The following RALGPS2 variants were observed in gnomAD, a reference collection of about 807,000 sequenced individuals.
RALGPS2 encodes Ral GEF with PH domain and SH3 binding motif 2.
Under a neutral mutation model 86.8 loss-of-function variants are expected in RALGPS2, and 43 were observed. The ratio of observed to expected loss-of-function variants is 0.50; its 90% CI spans 0.39 to 0.64. The LOEUF (loss-of-function observed/expected upper bound fraction) is 0.64. RALGPS2 is among the 30% of genes least tolerant of loss of function. The probability of loss-of-function intolerance (pLI) is 0.00; values close to 1 mark genes in which losing one functional copy is unlikely to be tolerated. For missense variants in RALGPS2, 536 were observed against 694.6 expected, an observed-to-expected ratio of 0.77 and a Z score of 2.57; for synonymous variants, 243 against 231.3, an observed-to-expected ratio of 1.05 and a Z score of -0.46.
chr1:178,813,177 C>T (rs752057442), intron 6 of RALGPS2, among the ~76,000 whole-genome samples: 1 of 152,094 alleles, frequency 6.6e-6, no homozygotes, highest in Non-Finnish European at 1.5e-5. Context: ...CAAGTGATCT[C>T]CCACCTCGGC....
chr1:178,862,589 TTTTTTTTATTTA>T (rs138015433), intron 8 of RALGPS2, among the ~76,000 whole-genome samples: 3,012 of 129,472 alleles, frequency 0.023, 109 homozygotes, highest in African/African-American at 0.088. Flanking sequence ...AGGAGTTGCA[TTTTTTTTATTTA>T]TTTATTTATT....
intron 5 of RALGPS2, among the ~76,000 whole-genome samples, chr1:178,808,470 CT>C (rs1376521920): frequency 2.0e-5 from 3 of 152,038 alleles, no homozygotes; most frequent in Non-Finnish European, 4.4e-5. Context: ...CAGTCATGCT[CT>C]TTTCTTATTT....
intron 8 of RALGPS2, among the ~76,000 whole-genome samples, chr1:178,841,155 C>G (rs1656584874): frequency 6.6e-6 from 1 of 152,036 alleles, no homozygotes; most frequent in African/African-American, 2.4e-5. Context: ...TTTTATGAGG[C>G]CAGCATCATC....
intron 8 of RALGPS2, among the ~76,000 whole-genome samples, chr1:178,839,446 A>C (rs1168888061): frequency 6.6e-6 from 1 of 152,172 alleles, no homozygotes; most frequent in Admixed American, 6.5e-5. Flanking sequence ...AAAATCCTTT[A>C]CAGACAAGCA....
At chr1:178,776,360 G>A (rs1378511067) in intron 1 of RALGPS2, among the ~76,000 whole-genome samples, 1 of 152,056 alleles carries the variant, frequency 6.6e-6, no homozygotes, top group African/African-American at 2.4e-5. Context: ...TGCCACCTGT[G>A]TTTTTACACA....
intron 11 of RALGPS2, 53 bp from the exon 12 acceptor site, chr1:178,885,023 G>A: frequency 6.7e-7 from 1 of 1,481,686 alleles, no homozygotes; most frequent in Non-Finnish European, 9.0e-7. Context: ...TTTCTTTCAA[G>A]GGACTGAAAA....
chr1:178,858,589 C>T (rs970681944), intron 8 of RALGPS2, among the ~76,000 whole-genome samples: 1 of 152,104 alleles, frequency 6.6e-6, no homozygotes, highest in East Asian at 1.9e-4. Context: ...GAATTCTGTA[C>T]ATTGAATTTG....
chr1:178,788,719 C>T (rs1653788323), intron 4 of RALGPS2, among the ~76,000 whole-genome samples: 1 of 152,066 alleles, frequency 6.6e-6, no homozygotes, highest in Non-Finnish European at 1.5e-5. Context: ...AGATGGGAAG[C>T]CATTAGAGGG....
At chr1:178,776,912 G>A in intron 2 of RALGPS2, 91 bp downstream of exon 2, 2 of 914,900 alleles carry the variant, frequency 2.2e-6, no homozygotes, top group Middle Eastern at 2.3e-4. Flanking sequence ...TAAATCAGAA[G>A]TGCATTTAGT....
At chr1:178,743,061 T>G (rs1451584914) in intron 1 of RALGPS2, among the ~76,000 whole-genome samples, 1 of 152,066 alleles carries the variant, frequency 6.6e-6, no homozygotes. Flanking sequence ...ACAAACATTT[T>G]TTTAAAAAAA....
chr1:178,808,019 AT>A (rs775925187), intron 4 of RALGPS2, 25 bp from the exon 5 acceptor site: 37 of 1,486,150 alleles, frequency 2.5e-5, no homozygotes, highest in Non-Finnish European at 3.2e-5. Flanking sequence ...TATTACTTAA[AT>A]TTAATTTTCA....
At chr1:178,792,725 C>T (rs1463282308) in intron 4 of RALGPS2, among the ~76,000 whole-genome samples, 1 of 152,136 alleles carries the variant, frequency 6.6e-6, no homozygotes, top group Non-Finnish European at 1.5e-5. Flanking sequence ...GGATAGTGAT[C>T]CCTTTCACAC....
chr1:178,742,860 G>A (rs1018049407), intron 1 of RALGPS2, among the ~76,000 whole-genome samples: 2 of 152,162 alleles, frequency 1.3e-5, no homozygotes, highest in African/African-American at 4.8e-5. Flanking sequence ...TATGGTTCAA[G>A]GAAGAGATCA....
chr1:178,884,143 G>A (rs148707089), intron 11 of RALGPS2, among the ~76,000 whole-genome samples: 1 of 152,228 alleles, frequency 6.6e-6, no homozygotes, highest in Non-Finnish European at 1.5e-5. Flanking sequence ...AGGCAATGAA[G>A]GTTGATTACA....
intron 7 of RALGPS2, among the ~76,000 whole-genome samples, chr1:178,827,908 C>T (rs575991962): frequency 7.9e-5 from 12 of 152,152 alleles, no homozygotes; most frequent in East Asian, 7.7e-4. Context: ...ACTGGATGTC[C>T]GCATGCAAAA....
chr1:178,858,095 A>G (rs1172874548), intron 8 of RALGPS2, among the ~76,000 whole-genome samples: 1 of 152,164 alleles, frequency 6.6e-6, no homozygotes, highest in Non-Finnish European at 1.5e-5. Flanking sequence ...CTTTTCCAGA[A>G]CATATGGATA....
At chr1:178,852,857 C>G in intron 8 of RALGPS2, 1 of 1,613,902 alleles carries the variant, frequency 6.2e-7, no homozygotes, top group Non-Finnish European at 8.5e-7. Flanking sequence ...CTCCAGTCTT[C>G]TAATTCAATC....
intron 8 of RALGPS2, among the ~76,000 whole-genome samples, chr1:178,847,475 G>A (rs563804115): frequency 1.3e-5 from 2 of 151,906 alleles, no homozygotes; most frequent in South Asian, 4.1e-4. Flanking sequence ...TGAAAAGTGA[G>A]CTAGTTTAAG....
chr1:178,762,261 G>A (rs1652280580), intron 1 of RALGPS2, among the ~76,000 whole-genome samples: 1 of 152,158 alleles, frequency 6.6e-6, no homozygotes, highest in Non-Finnish European at 1.5e-5. Context: ...TACCGTTAAT[G>A]GGTATTTAGG....
Sources: allele counts gnomAD v4.1 joint callset (sites outside exome capture counted in the v4.1 genomes callset), GRCh38; gene constraint gnomAD v4.1.1; transcripts MANE v1.5; gene names NCBI Gene and HGNC (gene_info 2026-07-23, HGNC 2026-07-21).